The following CSMD3 variants were observed in gnomAD, a reference collection of about 807,000 sequenced individuals.
CSMD3 encodes the protein CUB and Sushi multiple domains 3, also known as CUB and sushi domain-containing protein 3.
CSMD3 carries 177 observed loss-of-function variants against 435.2 expected under a neutral mutation model. The ratio of observed to expected loss-of-function variants is 0.41; its 90% CI spans 0.36 to 0.46. The LOEUF (loss-of-function observed/expected upper bound fraction) is 0.46, where lower values mean the gene tolerates loss of function less well. Among genes scored for constraint, CSMD3 ranks in the 20% least tolerant of loss-of-function variants. CSMD3 has a pLI of 0.34. For synonymous variants in CSMD3, 1,656 were observed against 1,520.5 expected, an observed-to-expected ratio of 1.09 and a Z score of -2.07; for missense variants, 4,265 against 4,504.6, an observed-to-expected ratio of 0.95 and a Z score of 1.52.
Position 112,650,204 on chromosome 8 carries a change from G to A in CSMD3, c.3150C>T (p.Cys1050=), listed in dbSNP as rs774914978. The A allele has an allele frequency of 1.4e-5, 22 of 1,613,458 alleles. No individual in the cohort carries two copies. Among genetic ancestry groups the A allele is most frequent in the South Asian group, 9.9e-5 (9 of 91,060 alleles). The part of the protein sequence containing the change: ...YRLSHEEPLL[C]EKNHWWSHPL... ...GATGACTCCACCAGTGGTTTTTTTCGCATAGAAGGGGCTCTTCATGACTCA... is the reference window on the plus strand; with the variant it reads ...GATGACTCCACCAGTGGTTTTTTTCACATAGAAGGGGCTCTTCATGACTCA... Residue 1050 remains cysteine, a synonymous_variant, in exon 19 of 71, where the codon TGC becomes TGT. Transcript: ENST00000297405.
At chr8:112,391,170 G>A (rs1421231790) in intron 35 of CSMD3, among the ~76,000 whole-genome samples, 1 of 152,140 alleles carries the variant, frequency 6.6e-6, no homozygotes, top group East Asian at 1.9e-4. Flanking sequence ...TGCATTCTTT[G>A]AGGAGTAACA....
intron 5 of CSMD3, among the ~76,000 whole-genome samples, chr8:113,077,905 C>T (rs930922599): frequency 9.2e-5 from 14 of 152,024 alleles, no homozygotes; most frequent in African/African-American, 3.4e-4. Flanking sequence ...TTGCTTTGAT[C>T]CCAGTCAAGT....
intron 50 of CSMD3, chr8:112,310,718 T>C: frequency 1.9e-6 from 1 of 526,672 alleles, no homozygotes; most frequent in East Asian, 3.6e-5. Context: ...GAATGGAGGA[T>C]GTATGAATAA....
At chr8:112,468,272 T>A (rs1018444997) in intron 32 of CSMD3, among the ~76,000 whole-genome samples, 3 of 142,136 alleles carry the variant, frequency 2.1e-5, no homozygotes, top group African/African-American at 7.8e-5. Flanking sequence ...TTGATCCACC[T>A]CATATCTTCA....
Position 113,157,952 on chromosome 8 carries a change from G to A in CSMD3, c.709+15770C>T, listed in dbSNP as rs1343842369. Among the ~76,000 whole-genome samples, 3 of 151,888 alleles carry A rather than the reference G, an allele frequency of 2.0e-5. 1 individual carries two copies. The highest frequency in any genetic ancestry group is 1.9e-4 in the East Asian group (1 of 5,164). ...TCTAGTGAGGTTCTTGGGAAAACGC[G>A]ATTCTTTAGGATATACTTATAAATC... On this transcript the variant is annotated intron_variant, in intron 4 of 70. Coordinates refer to ENST00000297405, the MANE Select transcript of CSMD3 (RefSeq NM_198123.2).
intron 6 of CSMD3, among the ~76,000 whole-genome samples, chr8:113,013,312 C>T (rs1381393530): frequency 6.6e-6 from 1 of 151,960 alleles, no homozygotes; most frequent in Admixed American, 6.6e-5. Context: ...CTCCTGGATT[C>T]AAATTTTATG....
chr8:112,357,999 A>G lies in CSMD3; in HGVS notation c.6137-5465T>C, dbSNP rs183558711. 5.1e-3 allele frequency among the ~76,000 whole-genome samples: 777 copies of G among 152,264 alleles called. 1 individual carries two copies. The highest frequency in any genetic ancestry group is 8.3e-3 in the Non-Finnish European group (567 of 67,996). On this transcript the variant is annotated intron_variant, in intron 38 of 70. Transcript: ENST00000297405. The stretch of plus-strand genomic sequence containing the variant: ...AATCATGCACCTACAAAAGCTGCAG[A>G]CACTCAATGTTAGCAGACAGGAGTG...
chr8:112,524,887 ATTCT>A (rs1200783654), intron 27 of CSMD3, among the ~76,000 whole-genome samples: 1 of 152,012 alleles, frequency 6.6e-6, no homozygotes. Context: ...ACACATGTTC[ATTCT>A]TTAATTGGTT....
intron 3 of CSMD3, among the ~76,000 whole-genome samples, chr8:113,215,236 T>C (rs2092889251): frequency 6.6e-6 from 1 of 151,916 alleles, no homozygotes; most frequent in African/African-American, 2.4e-5. Context: ...AATTCTGACA[T>C]GGTTTGGTTG....
chr8:112,533,608 C>T (rs1047724842), intron 27 of CSMD3, among the ~76,000 whole-genome samples: 1 of 151,752 alleles, frequency 6.6e-6, no homozygotes, highest in Non-Finnish European at 1.5e-5. Flanking sequence ...ATCAAAGCAT[C>T]CAAATATTTA....
chr8:113,274,915 A>G (rs530136344), intron 3 of CSMD3, among the ~76,000 whole-genome samples: 1 of 152,108 alleles, frequency 6.6e-6, no homozygotes, highest in African/African-American at 2.4e-5. Context: ...AAAGAGAGAG[A>G]GAGAGAATGT....
intron 3 of CSMD3, among the ~76,000 whole-genome samples, chr8:113,183,989 G>A (rs1189307236): frequency 6.6e-6 from 1 of 151,910 alleles, no homozygotes; most frequent in Non-Finnish European, 1.5e-5. Flanking sequence ...ATAGGTTGAG[G>A]GCTTAATCCC....
intron 3 of CSMD3, among the ~76,000 whole-genome samples, chr8:113,202,681 C>T (rs962390792): frequency 6.6e-6 from 1 of 152,074 alleles, no homozygotes; most frequent in African/African-American, 2.4e-5. Context: ...ATTCTTAGAA[C>T]CTTATGTAGT....
chr8:112,865,507 T>C (rs2080952479), intron 10 of CSMD3, among the ~76,000 whole-genome samples: 1 of 152,144 alleles, frequency 6.6e-6, no homozygotes, highest in Non-Finnish European at 1.5e-5. Flanking sequence ...TCTGTAAAGC[T>C]CTTTCCACTA....
intron 4 of CSMD3, among the ~76,000 whole-genome samples, chr8:113,138,982 C>T (rs2091484771): frequency 6.7e-6 from 1 of 150,336 alleles, no homozygotes; most frequent in Non-Finnish European, 1.5e-5. Flanking sequence ...TATCATTAAA[C>T]AGAGAAAAAG....
chr8:112,953,295 C>A (rs528244364), intron 8 of CSMD3, among the ~76,000 whole-genome samples: 1 of 151,358 alleles, frequency 6.6e-6, no homozygotes, highest in Non-Finnish European at 1.5e-5. Flanking sequence ...GTCATCTCAC[C>A]TGGTGATTTT....
intron 12 of CSMD3, among the ~76,000 whole-genome samples, chr8:112,821,181 C>T (rs535537851): frequency 6.6e-6 from 1 of 152,272 alleles, no homozygotes; most frequent in East Asian, 1.9e-4. Flanking sequence ...AATGAGATTG[C>T]CGGGTCAAAT....
chr8:112,448,120 A>T (rs1815827050), intron 32 of CSMD3, among the ~76,000 whole-genome samples: 2 of 152,196 alleles, frequency 1.3e-5, no homozygotes, highest in African/African-American at 4.8e-5. Flanking sequence ...AACATCTGAG[A>T]TCGGGGACAA....
rs142386322 is a variant in CSMD3, at chr8:112,258,079, C to T, written c.9863-2652G>A. On this transcript the variant is annotated intron_variant, in intron 61 of 70. Coordinates refer to ENST00000297405, the MANE Select transcript of CSMD3 (RefSeq NM_198123.2). ...GTGTTGGGAAAACTGGTGAGCCATA[C>T]GCAGAAAACTGAAACTGTACCCCTT... is the stretch of plus-strand genomic sequence containing the variant. 1.9e-3 allele frequency among the ~76,000 whole-genome samples: 292 copies of T among 152,114 alleles called. 3 individuals carry two copies. In the East Asian group the frequency reaches 0.045, roughly 23 times the overall value.
Sources: gnomAD v4.1 joint callset for allele counts (sites outside exome capture counted in the v4.1 genomes callset) on GRCh38, gnomAD v4.1.1 for gene constraint, MANE v1.5 for transcripts, NCBI Gene and HGNC (gene_info 2026-07-23, HGNC 2026-07-21) for gene names.